Variants in CAMSAP1 observed in about 807,000 individuals in gnomAD.
CAMSAP1 encodes the protein calmodulin-regulated spectrin-associated protein 1.
In CAMSAP1, 58 loss-of-function variants were observed where a neutral mutation model predicts 143.5. The ratio of observed to expected loss-of-function variants is 0.40; its 90% CI spans 0.33 to 0.50. The LOEUF (loss-of-function observed/expected upper bound fraction) is 0.50. Ranked by LOEUF, CAMSAP1 falls within the 20% of genes least tolerant of loss-of-function variation. The pLI is 0.45. For missense variants in CAMSAP1, 1,969 were observed against 2,115.7 expected (o/e 0.93, Z 1.36); for synonymous variants, 945 against 859.3 (o/e 1.10, Z -1.74).
chr9:135,878,719 C>T (rs981256388), intron 3 of CAMSAP1, among the ~76,000 whole-genome samples: 2 of 152,148 alleles, frequency 1.3e-5, no homozygotes, highest in Admixed American at 6.5e-5. Context: ...TCGGGGAACT[C>T]GCACTTCCTA....
chr9:135,819,264 T>G lies in CAMSAP1; in HGVS notation c.3823-118A>C, dbSNP rs1835353654. On this transcript the variant is annotated intron_variant, in intron 11 of 16. Transcript: ENST00000389532. ...TTTAAAAGTTTAACGCATAAAGACT[T>G]CTATGCTTTTCTCTAACCGTTACAG... The G allele has an allele frequency of 5.4e-6, 7 of 1,307,428 alleles. No individual in the cohort carries two copies. The East Asian group carries it at 1.8e-4, about 33-fold the overall frequency. 81.0% of individuals were successfully genotyped at this position (1,307,428 alleles called of 1,614,324 possible).
Position 135,814,879 on chromosome 9 carries a change from G to A in CAMSAP1, c.4506+218C>T, listed in dbSNP as rs140261391. ...GGATGTAGCCTCTGAACCCTGCCCC[G>A]TCCTCCTGGGTGTTCCTCCAGCACA... On this transcript the variant is annotated intron_variant, in intron 16 of 16. Transcript: ENST00000389532. Among the ~76,000 whole-genome samples, 527 of 152,216 alleles carry A rather than the reference G, an allele frequency of 3.5e-3. 8 individuals are homozygous for A. Among genetic ancestry groups the A allele is most frequent in the East Asian group, 0.035 (179 of 5,182 alleles).
Position 135,808,887 on chromosome 9 carries a change from G to C in CAMSAP1, c.*2422C>G, listed in dbSNP as rs1251933552. On this transcript the variant is annotated 3_prime_UTR_variant, in exon 17 of 17. Coordinates refer to ENST00000389532, the MANE Select transcript of CAMSAP1 (RefSeq NM_015447.4). ...ACTTCATCATACATTGAATCATTTGGTTTACACTTTCTTTACAAAGTTATA... is the reference window on the plus strand; with the variant it reads ...ACTTCATCATACATTGAATCATTTGCTTTACACTTTCTTTACAAAGTTATA... The C allele has an allele frequency of 6.6e-6, 1 of 152,166 alleles. No homozygotes were observed. The highest frequency in any genetic ancestry group is 1.5e-5 in the Non-Finnish European group (1 of 68,038). The allele number at this position is 152,166 out of a possible 1,614,324, so 9.4% of individuals were successfully genotyped here.
chr9:135,844,100 C>G (rs190068162), intron 7 of CAMSAP1, among the ~76,000 whole-genome samples: 4 of 152,184 alleles, frequency 2.6e-5, no homozygotes, highest in Admixed American at 2.6e-4. Flanking sequence ...ACCAGGCAGA[C>G]CTAATAGACA....
rs559798666 is a variant in CAMSAP1, at chr9:135,822,649, G to A, written c.2012C>T (p.Ser671Leu). 107 of 1,609,886 alleles carry A rather than the reference G, an allele frequency of 6.6e-5. No homozygotes were observed. Among genetic ancestry groups the A allele is most frequent in the Admixed American group, 5.0e-4 (30 of 59,574 alleles). Residue 671 changes from serine (S) to leucine (L), a missense_variant, in exon 11 of 17, where the codon TCA becomes TTA. Coordinates refer to ENST00000389532, the MANE Select transcript of CAMSAP1 (RefSeq NM_015447.4). The surrounding 1 kb of genome is among the most constrained non-coding windows in gnomAD (Gnocchi z 6.1). ...ACAGACCTCTCCTGCGGTTTCCACT[G>A]ACAGTGGTCCTGTCTCGGTGGGGTC... Reference protein sequence around the residue: ...GIDPTETGPLSVETAGEVCGG... With the variant: ...GIDPTETGPLLVETAGEVCGG...
At chr9:135,819,742 G>A (rs1257169356) in intron 11 of CAMSAP1, among the ~76,000 whole-genome samples, 14 of 150,518 alleles carry the variant, frequency 9.3e-5, no homozygotes, top group Non-Finnish European at 1.6e-4. Context: ...AGCTACTCAG[G>A]AGCCTGAGGC....
At chr9:135,844,734 A>G (rs931161665) in intron 7 of CAMSAP1, among the ~76,000 whole-genome samples, 1 of 152,236 alleles carries the variant, frequency 6.6e-6, no homozygotes, top group African/African-American at 2.4e-5. Context: ...AGAATACTAT[A>G]AACAACTCAG....
At chr9:135,884,303 T>G (rs947659232) in intron 1 of CAMSAP1, among the ~76,000 whole-genome samples, 1 of 152,108 alleles carries the variant, frequency 6.6e-6, no homozygotes, top group Admixed American at 6.5e-5. Context: ...CAAGCTCTCC[T>G]AAGCTCTTCC....
intron 7 of CAMSAP1, among the ~76,000 whole-genome samples, chr9:135,841,179 T>C (rs901781014): frequency 6.6e-6 from 1 of 152,134 alleles, no homozygotes; most frequent in Non-Finnish European, 1.5e-5. Context: ...ACGTCCACCA[T>C]TACTGAGGCT....
chr9:135,841,824 A>G (rs1212427205), intron 7 of CAMSAP1, among the ~76,000 whole-genome samples: 1 of 152,240 alleles, frequency 6.6e-6, no homozygotes, highest in Admixed American at 6.5e-5. Context: ...GGACATCCAC[A>G]CAAAAACCCC....
At chr9:135,867,354 C>G (rs1392737298) in intron 3 of CAMSAP1, among the ~76,000 whole-genome samples, 1 of 152,042 alleles carries the variant, frequency 6.6e-6, no homozygotes, top group African/African-American at 2.4e-5. Flanking sequence ...TAAAAGAGTC[C>G]TTTGCAAAGG....
Position 135,819,028 on chromosome 9 carries a change from A to T in CAMSAP1, c.3941T>A (p.Leu1314His), listed in dbSNP as rs1428997605. ...CGCTTACCGGGCTTCGTCACGCTTG[A>T]GCTCCACCTCCGCTTCCAGCTGCTG... ...RKQQLEAEVE[L>H]KRDEARRKAE... Residue 1314 changes from leucine (L) to histidine (H), a missense_variant, in exon 12 of 17, where the codon CTC (leucine) becomes CAC (histidine). Transcript: ENST00000389532. 5 of 1,606,526 alleles carry T rather than the reference A, an allele frequency of 3.1e-6. No homozygotes were observed. Among genetic ancestry groups the T allele is most frequent in the Non-Finnish European group, 3.4e-6 (4 of 1,178,800 alleles).
intron 1 of CAMSAP1, among the ~76,000 whole-genome samples, chr9:135,900,020 A>C (rs937509129): frequency 2.6e-5 from 4 of 152,152 alleles, no homozygotes; most frequent in African/African-American, 9.7e-5. Flanking sequence ...GCCCAACTGA[A>C]CTCATGTAAG....
chr9:135,830,781 A>G (rs1290324088), intron 7 of CAMSAP1, among the ~76,000 whole-genome samples: 1 of 152,266 alleles, frequency 6.6e-6, no homozygotes, highest in Admixed American at 6.5e-5. Flanking sequence ...TCCAGAACAG[A>G]TCATATGTTA....
chr9:135,898,919 A>G (rs1838534242), intron 1 of CAMSAP1, among the ~76,000 whole-genome samples: 1 of 152,232 alleles, frequency 6.6e-6, no homozygotes. Flanking sequence ...AGCTCTATTC[A>G]TAATAGCCAA....
rs1184929570 is a variant in CAMSAP1 at position 135,810,898 on chromosome 9, A to C, written c.*411T>G. Reference sequence around the variant, plus strand: ...GCTGGCCAATATGAGGGTGTCAGGCAATGTGCAAGGGGGCGAGGTGAGAAG... The same window carrying C: ...GCTGGCCAATATGAGGGTGTCAGGCCATGTGCAAGGGGGCGAGGTGAGAAG... On this transcript the variant is annotated 3_prime_UTR_variant, in exon 17 of 17. Coordinates refer to ENST00000389532, the MANE Select transcript of CAMSAP1 (RefSeq NM_015447.4). 1.5e-5 allele frequency: 3 copies of C among 199,860 alleles called. No homozygotes were observed. The highest frequency in any genetic ancestry group is 3.1e-5 in the Non-Finnish European group (3 of 96,974). The allele number at this position is 199,860 out of a possible 1,614,324, so 12.4% of individuals were successfully genotyped here.
rs540562522 is a variant in CAMSAP1, at chr9:135,821,871, G to C, written c.2790C>G (p.Leu930=). 6.2e-7 allele frequency: 1 copy of C among 1,614,036 alleles called. No homozygotes were observed. Among genetic ancestry groups the C allele is most frequent in the African/African-American group, 1.3e-5 (1 of 75,060 alleles). ...KKGKAEAAPP[L]RPEHFAKEYS... ...ACTCCTTTGCAAAGTGCTCCGGCCT[G>C]AGGGGTGGGGCAGCCTCGGCCTTGC... is the stretch of plus-strand genomic sequence containing the variant. Residue 930 remains leucine, a synonymous_variant, in exon 11 of 17, where the codon CTC becomes CTG. Coordinates refer to ENST00000389532, the MANE Select transcript of CAMSAP1 (RefSeq NM_015447.4). This position sits in a 1 kb window ranked among gnomAD's most constrained non-coding sequence, Gnocchi z 4.6.
chr9:135,867,475 C>CCCCCTTT (rs1491489651), intron 3 of CAMSAP1, among the ~76,000 whole-genome samples: 3 of 145,262 alleles, frequency 2.1e-5, no homozygotes, highest in African/African-American at 2.6e-5. Context: ...CAAGACCCCC[C>CCCCCTTT]TCTTTTTTTT....
Position 135,818,561 on chromosome 9 carries a change from G to C in CAMSAP1, c.4015C>G (p.Leu1339Val), listed in dbSNP as rs137914557. 48 of 1,613,196 alleles carry C rather than the reference G, an allele frequency of 3.0e-5. No homozygotes were observed. Among genetic ancestry groups the C allele is most frequent in the Non-Finnish European group, 3.8e-5 (45 of 1,179,836 alleles). The change falls in exon 13 of 17, where the codon CTC becomes GTC. Residue 1339 changes from leucine (L) to valine (V), a missense_variant. Coordinates refer to ENST00000389532, the MANE Select transcript of CAMSAP1 (RefSeq NM_015447.4). This position sits in a 1 kb window ranked among gnomAD's most constrained non-coding sequence, Gnocchi z 7.7. ...RKEEEKARRE[L>V]IKQEYLRRKQ... is the part of the protein sequence containing the mutation. ...CTCCGCAGGTACTCCTGCTTGATGA[G>C]CTCGCGCCGCGCCTTCTCCTCCTCC...
Sources: gnomAD v4.1 joint callset for allele counts (sites outside exome capture counted in the v4.1 genomes callset) on GRCh38, gnomAD v4.1.1 for gene constraint, Gnocchi (gnomAD v3.1) non-coding constraint, MANE v1.5 for transcripts, NCBI Gene and HGNC (gene_info 2026-07-23, HGNC 2026-07-21) for gene names.